Variants in CEP112 observed in about 807,000 individuals in gnomAD.
The protein encoded by CEP112 is centrosomal protein of 112 kDa.
Under a neutral mutation model 153.0 loss-of-function variants are expected in CEP112, and 127 were observed. The observed-to-expected ratio is 0.83, with a 90% CI of 0.72 to 0.96. The LOEUF (loss-of-function observed/expected upper bound fraction) is 0.96. CEP112 is among the 40% of genes least tolerant of loss of function. CEP112 has a pLI of 0.00. For missense variants in CEP112, 1,089 were observed against 1,101.2 expected (o/e 0.99, Z 0.16); for synonymous variants, 358 against 374.4 (o/e 0.96, Z 0.51).
intron 24 of CEP112, among the ~76,000 whole-genome samples, chr17:65,660,348 C>T (rs1205215324): frequency 2.7e-4 from 25 of 92,398 alleles, no homozygotes; most frequent in East Asian, 8.6e-4. Flanking sequence ...CTTTTTCTCT[C>T]TCGTTCCTTC....
At chr17:65,737,569 C>A (rs2050875382) in intron 23 of CEP112, among the ~76,000 whole-genome samples, 2 of 152,154 alleles carry the variant, frequency 1.3e-5, no homozygotes, top group Non-Finnish European at 2.9e-5. Context: ...ATAGAAGATG[C>A]CGCTTCCATG....
intron 17 of CEP112, among the ~76,000 whole-genome samples, chr17:65,980,806 C>G (rs1377628212): frequency 6.6e-6 from 1 of 152,130 alleles, no homozygotes; most frequent in Non-Finnish European, 1.5e-5. Flanking sequence ...GGGACAGAGT[C>G]TCACTCTGTC....
intron 23 of CEP112, among the ~76,000 whole-genome samples, chr17:65,716,188 G>A (rs943748845): frequency 4.6e-5 from 7 of 151,406 alleles, no homozygotes; most frequent in South Asian, 2.1e-4. Flanking sequence ...ACAGAGCCTC[G>A]CTCTGTCGCC....
At chr17:65,776,468 G>C (rs1406373344) in intron 21 of CEP112, among the ~76,000 whole-genome samples, 1 of 152,092 alleles carries the variant, frequency 6.6e-6, no homozygotes, top group Non-Finnish European at 1.5e-5. Context: ...CTCGTGATCT[G>C]CCCGCCTTGG....
At position 65,742,704 on chromosome 17, in the gene CEP112, A is replaced by G. The variant is rs555565935; in HGVS notation, c.2607+364T>C. On this transcript the variant is annotated intron_variant, in intron 23 of 26. Transcript: ENST00000535342. ...AGGATGTGGGCAAAGAACAGAATGC[A>G]AATTGGAAGCTGACTTCTGACTTTA... is the stretch of plus-strand genomic sequence containing the variant. Among the ~76,000 whole-genome samples the G allele has an allele frequency of 3.3e-5, 5 of 152,312 alleles. No homozygotes were observed. In the South Asian group the frequency reaches 1.0e-3, roughly 32 times the overall value.
intron 20 of CEP112, among the ~76,000 whole-genome samples, chr17:65,862,163 T>G (rs1181769972): frequency 6.6e-6 from 1 of 152,206 alleles, no homozygotes; most frequent in African/African-American, 2.4e-5. Context: ...TATATATATG[T>G]ACAATAAAGC....
chr17:65,809,230 C>G (rs995278962), intron 21 of CEP112, among the ~76,000 whole-genome samples: 3 of 152,140 alleles, frequency 2.0e-5, no homozygotes, highest in African/African-American at 7.2e-5. Flanking sequence ...GGCAGGAAAA[C>G]CACATGCTGG....
chr17:65,706,196 G>A (rs1263860142), intron 23 of CEP112, among the ~76,000 whole-genome samples: 1 of 152,222 alleles, frequency 6.6e-6, no homozygotes, highest in African/African-American at 2.4e-5. Context: ...AAGAGACTGG[G>A]AACGTCTTCA....
chr17:66,005,719 C>G lies in CEP112; in HGVS notation c.1707G>C (p.Lys569Asn). The change falls in exon 17 of 27, where the codon AAG becomes AAC. Residue 569 changes from lysine (K) to asparagine (N), a missense_variant. Coordinates refer to ENST00000535342, the MANE Select transcript of CEP112 (RefSeq NM_001199165.4). ...AAGCTTCCTCAAATTTATGAATTTT[C>G]TTTTGAGTATCTTCTTTTCCTTTAT... ...ELDKGKEDTQ[K>N]KIHKFEEALK... 1 of 1,610,120 alleles carries G rather than the reference C, an allele frequency of 6.2e-7. No individual in the cohort carries two copies. Among genetic ancestry groups the G allele is most frequent in the Non-Finnish European group, 8.5e-7 (1 of 1,178,856 alleles).
intron 19 of CEP112, among the ~76,000 whole-genome samples, chr17:65,926,605 T>C (rs7208662): frequency 0.85 from 128,558 of 151,842 alleles, 55,231 homozygotes; most frequent in South Asian, 0.97. Context: ...CCCAGCTACT[T>C]GGGAGGCTGA....
At chr17:65,721,308 G>C (rs777907824) in intron 23 of CEP112, among the ~76,000 whole-genome samples, 1 of 151,964 alleles carries the variant, frequency 6.6e-6, no homozygotes, top group African/African-American at 2.4e-5. Flanking sequence ...CCGCGCCCAG[G>C]CTTTAAGTTC....
At chr17:65,772,046 T>C (rs1178581365) in intron 21 of CEP112, among the ~76,000 whole-genome samples, 3 of 151,768 alleles carry the variant, frequency 2.0e-5, no homozygotes, top group Admixed American at 2.0e-4. Flanking sequence ...CAAAGGAAAT[T>C]AGAAAATATT....
At chr17:65,636,994 A>G in intron 26 of CEP112, 130 bp downstream of exon 26, 1 of 702,624 alleles carries the variant, frequency 1.4e-6, no homozygotes, top group Non-Finnish European at 2.5e-6. Context: ...GCTACTTACT[A>G]AAAACAAGTC....
intron 4 of CEP112, among the ~76,000 whole-genome samples, chr17:66,141,310 G>C (rs1191359618): frequency 1.3e-5 from 2 of 151,708 alleles, no homozygotes; most frequent in Non-Finnish European, 2.9e-5. Flanking sequence ...TGATCAGACT[G>C]TTCATCCCCT....
At chr17:66,124,034 A>T (rs2069724628) in intron 6 of CEP112, among the ~76,000 whole-genome samples, 1 of 152,216 alleles carries the variant, frequency 6.6e-6, no homozygotes, top group South Asian at 2.1e-4. Context: ...GTCAGTTTCA[A>T]GTTTGAAGTC....
intron 20 of CEP112, among the ~76,000 whole-genome samples, chr17:65,901,718 C>A (rs1303975635): frequency 6.6e-6 from 1 of 151,836 alleles, no homozygotes; most frequent in African/African-American, 2.4e-5. Context: ...ATGAAAACAG[C>A]AACACTAGGA....
intron 9 of CEP112, 44 bp from the exon 10 acceptor site, chr17:66,066,921 C>A: frequency 8.2e-7 from 1 of 1,215,262 alleles, no homozygotes; most frequent in East Asian, 2.8e-5. Context: ...TACTACTTTA[C>A]ATATAGGACA....
At chr17:65,991,708 G>A (rs1397381322) in intron 17 of CEP112, among the ~76,000 whole-genome samples, 9 of 151,842 alleles carry the variant, frequency 5.9e-5, no homozygotes, top group Non-Finnish European at 1.2e-4. Flanking sequence ...AAGTTTGCAG[G>A]CTTCCTTTTA....
chr17:65,948,349 G>A (rs1032443012), intron 18 of CEP112, among the ~76,000 whole-genome samples: 9 of 152,086 alleles, frequency 5.9e-5, no homozygotes, highest in African/African-American at 2.2e-4. Context: ...TAATAAGGAT[G>A]TATTTTCAAG....
Sources: gnomAD v4.1 joint callset for allele counts (sites outside exome capture counted in the v4.1 genomes callset) on GRCh38, gnomAD v4.1.1 for gene constraint, MANE v1.5 for transcripts, NCBI Gene and HGNC (gene_info 2026-07-23, HGNC 2026-07-21) for gene names.